LINGO2: variants seen among roughly 807,000 people sequenced by gnomAD.
LINGO2 encodes leucine-rich repeat and immunoglobulin-like domain-containing nogo receptor-interacting protein 2.
LINGO2 carries 14 observed loss-of-function variants against 30.6 expected under a neutral mutation model. The observed-to-expected ratio is 0.46, with a 90% CI of 0.30 to 0.72. The LOEUF (loss-of-function observed/expected upper bound fraction) is 0.72. Among genes scored for constraint, LINGO2 ranks in the 30% least tolerant of loss-of-function variants. The pLI, the probability that LINGO2 is intolerant of heterozygous loss-of-function variation, is 0.07. For synonymous variants in LINGO2, 317 were observed against 288.5 expected (o/e 1.10, Z -1.00); for missense variants, 729 against 751.7 (o/e 0.97, Z 0.35).
chr9:29,108,542 T>C, the LINGO2 span, among the ~76,000 whole-genome samples: 1 of 152,194 alleles, frequency 6.6e-6, no homozygotes, highest in Non-Finnish European at 1.5e-5. Flanking sequence ...AAAGCTTATT[T>C]CTATTTGGCC....
chr9:28,960,806 A>G, the LINGO2 span, among the ~76,000 whole-genome samples: 1 of 125,526 alleles, frequency 8.0e-6, no homozygotes, highest in Non-Finnish European at 1.8e-5. Context: ...GAGTCATCAG[A>G]ACAGTCCATA....
intron 4 of LINGO2, among the ~76,000 whole-genome samples, chr9:28,158,111 A>G (rs532778961): frequency 6.6e-6 from 1 of 152,336 alleles, no homozygotes; most frequent in Non-Finnish European, 1.5e-5. Context: ...CTGCTAATAA[A>G]GACATGCCCA....
rs1827851031 is a variant in LINGO2, at chr9:28,147,634, C to T, written c.-86-135229G>A. ...AGGGCCACTGGGTGCCAGCCAGCAC[C>T]TGGGCGAGGTGCCAGGTGGAAGGGC... On this transcript the variant is annotated intron_variant, in intron 4 of 5. Coordinates refer to ENST00000379992, the Ensembl canonical transcript of LINGO2. The surrounding 1 kb of genome is among the most constrained non-coding windows in gnomAD (Gnocchi z 4.7). Among the ~76,000 whole-genome samples, 1 of 152,172 alleles carries T rather than the reference C, an allele frequency of 6.6e-6. No homozygotes were observed. The highest frequency in any genetic ancestry group is 2.4e-5 in the African/African-American group (1 of 41,458).
chr9:28,421,223 C>T (rs1823181782), intron 2 of LINGO2, among the ~76,000 whole-genome samples: 1 of 150,986 alleles, frequency 6.6e-6, no homozygotes, highest in Admixed American at 6.6e-5. Context: ...AAGAATAAAC[C>T]TAATTAAGAT....
the LINGO2 span, among the ~76,000 whole-genome samples, chr9:28,848,155 C>T: frequency 3.2e-4 from 29 of 91,076 alleles, 1 homozygote; most frequent in South Asian, 1.2e-3. Flanking sequence ...ACTATATATA[C>T]GCATATATAG....
At chr9:29,073,984 G>A in the LINGO2 span, among the ~76,000 whole-genome samples, 6 of 152,064 alleles carry the variant, frequency 3.9e-5, no homozygotes, top group Admixed American at 2.0e-4. Context: ...AGAGTTAAAT[G>A]ACTATATGAT....
the LINGO2 span, among the ~76,000 whole-genome samples, chr9:28,841,369 T>A: frequency 2.0e-5 from 3 of 151,952 alleles, no homozygotes; most frequent in Non-Finnish European, 4.4e-5. Flanking sequence ...GCCATGTTTC[T>A]GGGCCTGAAA....
chr9:29,113,170 G>A, the LINGO2 span, among the ~76,000 whole-genome samples: 1 of 152,120 alleles, frequency 6.6e-6, no homozygotes, highest in Non-Finnish European at 1.5e-5. Context: ...TAAAATACTT[G>A]CACTAACTTA....
the LINGO2 span, among the ~76,000 whole-genome samples, chr9:28,997,267 A>G: frequency 6.6e-6 from 1 of 152,094 alleles, no homozygotes; most frequent in African/African-American, 2.4e-5. Flanking sequence ...TGTCTCTGAA[A>G]CCAAAATAAA....
the LINGO2 span, among the ~76,000 whole-genome samples, chr9:28,844,120 G>C: frequency 6.6e-6 from 1 of 151,850 alleles, no homozygotes; most frequent in Non-Finnish European, 1.5e-5. Context: ...TCAGCACTTT[G>C]GGAGGCTGAG....
At chr9:28,456,115 A>T (rs1410017432) in intron 2 of LINGO2, among the ~76,000 whole-genome samples, 2 of 152,142 alleles carry the variant, frequency 1.3e-5, no homozygotes, top group African/African-American at 4.8e-5. Flanking sequence ...TGTTTATCTT[A>T]TGCTGTGTTG....
At chr9:28,558,977 C>A (rs905416189) in intron 1 of LINGO2, among the ~76,000 whole-genome samples, 1 of 151,978 alleles carries the variant, frequency 6.6e-6, no homozygotes, top group Admixed American at 6.6e-5. Context: ...AGTATATTTG[C>A]CAAATCTCTT....
At chr9:28,168,586 T>C (rs1828496528) in intron 4 of LINGO2, among the ~76,000 whole-genome samples, 1 of 152,230 alleles carries the variant, frequency 6.6e-6, no homozygotes, top group Non-Finnish European at 1.5e-5. Flanking sequence ...AGGCACATAC[T>C]TGGTTCTAAA....
At chr9:28,808,009 G>A in the LINGO2 span, among the ~76,000 whole-genome samples, 1 of 152,122 alleles carries the variant, frequency 6.6e-6, no homozygotes, top group African/African-American at 2.4e-5. Flanking sequence ...ATGACACATT[G>A]TACAACTTTT....
At chr9:28,280,216 G>C (rs1438738300) in intron 4 of LINGO2, among the ~76,000 whole-genome samples, 1 of 152,114 alleles carries the variant, frequency 6.6e-6, no homozygotes, top group Non-Finnish European at 1.5e-5. Context: ...AAAAATTTTT[G>C]AGAGAGCTAA....
In LINGO2 at chr9:28,148,798, G is replaced by A. The variant is rs1021604621; in HGVS notation, c.-86-136393C>T. Reference sequence around the variant, plus strand: ...CTGCCCCAGTTCCAGGCTGCTCCCTGTGGCCAGAGAAGGCGGCCTTGAAGG... The same window carrying A: ...CTGCCCCAGTTCCAGGCTGCTCCCTATGGCCAGAGAAGGCGGCCTTGAAGG... On this transcript the variant is annotated intron_variant, in intron 4 of 5. Coordinates refer to ENST00000379992, the Ensembl canonical transcript of LINGO2. The surrounding 1 kb of genome is among the most constrained non-coding windows in gnomAD (Gnocchi z 5.1). 2.6e-6 allele frequency: 4 copies of A among 1,533,902 alleles called. No individual in the cohort carries two copies. The highest frequency in any genetic ancestry group is 2.0e-5 in the Admixed American group (1 of 50,978).
At chr9:28,345,818 T>G (rs74864014) in intron 3 of LINGO2, among the ~76,000 whole-genome samples, 2,299 of 152,252 alleles carry the variant, frequency 0.015, 65 homozygotes, top group African/African-American at 0.052. Context: ...AATTGCTCAG[T>G]AGTGACAATG....
chr9:28,328,635 A>T (rs964313920), intron 3 of LINGO2, among the ~76,000 whole-genome samples: 1 of 152,150 alleles, frequency 6.6e-6, no homozygotes, highest in African/African-American at 2.4e-5. Flanking sequence ...AAAACAAATC[A>T]TTAAGAACCT....
At chr9:28,992,296 AAT>A in the LINGO2 span, among the ~76,000 whole-genome samples, 1 of 152,184 alleles carries the variant, frequency 6.6e-6, no homozygotes, top group Admixed American at 6.5e-5. Flanking sequence ...TAAAGGGATC[AAT>A]ACAACAAGAA....
Sources: allele counts gnomAD v4.1 joint callset (sites outside exome capture counted in the v4.1 genomes callset), GRCh38; gene constraint gnomAD v4.1.1; non-coding constraint Gnocchi (gnomAD v3.1); transcripts MANE v1.5; gene names NCBI Gene and HGNC (gene_info 2026-07-23, HGNC 2026-07-21).